The following DEFA3 variants were observed in gnomAD, a reference collection of about 807,000 sequenced individuals.
DEFA3 encodes neutrophil defensin 3.
For synonymous variants in DEFA3, 3 were observed against 47.2 expected, an observed-to-expected ratio of 0.06 and a Z score of 3.84; for missense variants, 8 against 128.1, an observed-to-expected ratio of 0.06 and a Z score of 4.53.
At chr8:7,018,135 G>A (rs1423600808) in intron 1 of DEFA3, 87 bp downstream of exon 1, 2 of 150,674 alleles carry the variant, frequency 1.3e-5, no homozygotes, top group African/African-American at 2.5e-5. Flanking sequence ...GGGTCCCTCT[G>A]GGGCGGCCCC....
intron 2 of DEFA3, among the ~76,000 whole-genome samples, 187 bp from the exon 3 acceptor site, chr8:7,016,286 C>T (rs1585077431): frequency 6.6e-6 from 1 of 152,194 alleles, no homozygotes; most frequent in Non-Finnish European, 1.5e-5. Context: ...GAGACTCATT[C>T]TCCTTTGCTC....
At chr8:7,017,128 G>C (rs2117473519) in intron 1 of DEFA3, among the ~76,000 whole-genome samples, 1 of 122,632 alleles carries the variant, frequency 8.2e-6, no homozygotes, top group South Asian at 2.6e-4. Context: ...TGTTACTCGT[G>C]GGTTCACCTG....
chr8:7,017,862 C>T (rs1455310917), intron 1 of DEFA3, among the ~76,000 whole-genome samples: 1 of 152,210 alleles, frequency 6.6e-6, no homozygotes, highest in Non-Finnish European at 1.5e-5. Flanking sequence ...GCAGAAGGGG[C>T]AAATATCTGA....
In DEFA3 at chr8:7,015,918, G is replaced by A; in HGVS notation, c.*72C>T. The A allele has an allele frequency of 8.3e-7, 1 of 1,210,930 alleles. No individual in the cohort carries two copies. The highest frequency in any genetic ancestry group is 2.4e-5 in the East Asian group (1 of 42,388). 75.0% of individuals were successfully genotyped at this position (1,210,930 alleles called of 1,614,324 possible). A position where few individuals can be genotyped will look rare whatever the true frequency, so the allele number is the denominator to read the frequency against. On this transcript the variant is annotated 3_prime_UTR_variant, in exon 3 of 3. Coordinates refer to ENST00000327857, the MANE Select transcript of DEFA3 (RefSeq NM_005217.4). ...GATGAGGAAAGGAAATTGAGCAGAA[G>A]GTACAGGAGTAATAGCAATTCCCTG...
At chr8:7,017,126 G>C (rs1460058472) in intron 1 of DEFA3, among the ~76,000 whole-genome samples, 1 of 123,168 alleles carries the variant, frequency 8.1e-6, no homozygotes, top group African/African-American at 2.7e-5. Context: ...TATGTTACTC[G>C]TGGGTTCACC....
chr8:7,017,094 A>G (rs1393660945), intron 1 of DEFA3, among the ~76,000 whole-genome samples: 59 of 132,264 alleles, frequency 4.5e-4, no homozygotes, highest in African/African-American at 1.3e-3. Context: ...GTTGGAGCTA[A>G]TAATGACAAG....
chr8:7,015,908 T>C lies in DEFA3; in HGVS notation c.*82A>G. The C allele has an allele frequency of 5.9e-6, 7 of 1,187,260 alleles. No individual in the cohort carries two copies. Among genetic ancestry groups the C allele is most frequent in the Non-Finnish European group, 8.6e-6 (7 of 815,400 alleles). The allele number at this position is 1,187,260 out of a possible 1,614,324, so 73.5% of individuals were successfully genotyped here. On this transcript the variant is annotated 3_prime_UTR_variant, in exon 3 of 3. Transcript: ENST00000327857. ...ATTTATTTGAGATGAGGAAAGGAAATTGAGCAGAAGGTACAGGAGTAATAG... is the reference window on the plus strand; with the variant it reads ...ATTTATTTGAGATGAGGAAAGGAAACTGAGCAGAAGGTACAGGAGTAATAG...
chr8:7,018,016 G>GACATA (rs1326825754), intron 1 of DEFA3, among the ~76,000 whole-genome samples: 1 of 143,056 alleles, frequency 7.0e-6, no homozygotes, highest in Non-Finnish European at 1.6e-5. Flanking sequence ...CAGGACATGT[G>GACATA]TGTTTAGAAG....
In DEFA3 at chr8:7,018,209, T is replaced by G. The variant is rs896998009; in HGVS notation, c.-13+13A>C. 13 of 150,180 alleles carry G rather than the reference T, an allele frequency of 8.7e-5. No homozygotes were observed. The East Asian group carries it at 2.6e-3, about 30-fold the overall frequency. The allele number at this position is 150,180 out of a possible 1,614,324, so 9.3% of individuals were successfully genotyped here. On this transcript the variant is annotated intron_variant, in intron 1 of 2. Coordinates refer to ENST00000327857, the MANE Select transcript of DEFA3 (RefSeq NM_005217.4). ...GAAAACTCAGTGTAAAGTTTAAGTT[T>G]TGTAGTACTTACAGATCCTCTAGCT...
At chr8:7,016,382 T>G (rs1438852666) in intron 2 of DEFA3, among the ~76,000 whole-genome samples, 1 of 39,878 alleles carries the variant, frequency 2.5e-5, no homozygotes, top group African/African-American at 1.8e-4. Context: ...TTCTGTAGAG[T>G]AAAATGTTCT....
intron 1 of DEFA3, among the ~76,000 whole-genome samples, chr8:7,017,792 A>G (rs1178451891): frequency 2.0e-5 from 3 of 152,038 alleles, no homozygotes; most frequent in South Asian, 2.1e-4. Context: ...CAAAGGAAAC[A>G]ATCAACCGAG....
intron 1 of DEFA3, among the ~76,000 whole-genome samples, chr8:7,017,743 A>G (rs1286519190): frequency 6.6e-6 from 1 of 151,096 alleles, no homozygotes; most frequent in Non-Finnish European, 1.5e-5. Flanking sequence ...GGGAAAATAG[A>G]CAAGTGTGGC....
chr8:7,018,008 G>GGACGTGT (rs1811051733), intron 1 of DEFA3, among the ~76,000 whole-genome samples: 1 of 66,904 alleles, frequency 1.5e-5, no homozygotes, highest in Admixed American at 1.5e-4. Flanking sequence ...ATGTCAACCA[G>GGACGTGT]GACATGTGTG....
intron 2 of DEFA3, 134 bp from the exon 3 acceptor site, chr8:7,016,233 G>A (rs140637209): frequency 0.086 from 85,318 of 996,460 alleles, no homozygotes; most frequent in East Asian, 0.17. Flanking sequence ...AACCTCAGTC[G>A]ATAGGAATAA....
chr8:7,018,170 A>G (rs1482345296), intron 1 of DEFA3, 52 bp downstream of exon 1: 2 of 150,712 alleles, frequency 1.3e-5, no homozygotes, highest in Non-Finnish European at 2.9e-5. Context: ...GATTGGAGGC[A>G]TAGCTTCAAT....
At chr8:7,018,085 A>C (rs1358277427) in intron 1 of DEFA3, 137 bp downstream of exon 1, 2 of 150,042 alleles carry the variant, frequency 1.3e-5, no homozygotes, top group African/African-American at 4.9e-5. Context: ...AGCAGTCACC[A>C]GAGGTCCGGA....
At position 7,016,123 on chromosome 8, in the gene DEFA3, A is replaced by T. The variant is rs376327245; in HGVS notation, c.176-24T>A. ...GCCTGGGACAGGGAGAGCATGAGAAATTGAGTATGGAGTTAGCAGTGGGTA... is the reference window on the plus strand; with the variant it reads ...GCCTGGGACAGGGAGAGCATGAGAATTTGAGTATGGAGTTAGCAGTGGGTA... On this transcript the variant is annotated intron_variant, in intron 2 of 2. Transcript: ENST00000327857. 5,114 of 1,361,030 alleles carry T rather than the reference A, an allele frequency of 3.8e-3. 40 individuals carry two copies. The highest frequency in any genetic ancestry group is 0.022 in the African/African-American group (1,328 of 60,744). 84.3% of individuals were successfully genotyped at this position (1,361,030 alleles called of 1,614,324 possible).
At chr8:7,016,474 T>C (rs2294054) in intron 2 of DEFA3, among the ~76,000 whole-genome samples, 28,917 of 109,432 alleles carry the variant, frequency 0.26, 1,471 homozygotes, top group African/African-American at 0.41. Flanking sequence ...ATTTCACAGA[T>C]GTTTCTTGGA....
chr8:7,016,357 A>T (rs1475282766), intron 2 of DEFA3, among the ~76,000 whole-genome samples: 4 of 139,844 alleles, frequency 2.9e-5, no homozygotes, highest in Non-Finnish European at 6.1e-5. Context: ...GCTTGGCTGC[A>T]GTTTTTAAAA....
Sources: gnomAD v4.1 joint callset for allele counts (sites outside exome capture counted in the v4.1 genomes callset) on GRCh38, gnomAD v4.1.1 for gene constraint, MANE v1.5 for transcripts, NCBI Gene and HGNC (gene_info 2026-07-23, HGNC 2026-07-21) for gene names.